SYNE2: variants seen among roughly 807,000 people sequenced by gnomAD.
The protein encoded by SYNE2 is nesprin-2.
SYNE2 carries 431 observed loss-of-function variants against 856.3 expected under a neutral mutation model. The ratio of observed to expected loss-of-function variants is 0.50; its 90% CI spans 0.47 to 0.55. SYNE2 has a LOEUF of 0.55. Ranked by LOEUF, SYNE2 falls within the 20% of genes least tolerant of loss-of-function variation. The pLI is 0.00. For missense variants in SYNE2, 8,129 were observed against 8,023.2 expected (o/e 1.01, Z -0.50); for synonymous variants, 2,923 against 2,872.3 (o/e 1.02, Z -0.56).
At chr14:64,100,458 G>A (rs1417954098) in intron 63 of SYNE2, 4 of 142,652 alleles carry the variant, frequency 2.8e-5, no homozygotes, top group African/African-American at 1.0e-4. Flanking sequence ...AGAGGTTGCA[G>A]TGAGCCGAGA....
chr14:64,021,762 A>T, intron 36 of SYNE2, 95 bp from the exon 37 acceptor site: 2 of 1,364,910 alleles, frequency 1.5e-6, no homozygotes, highest in Non-Finnish European at 2.1e-6. Context: ...ACAGAGAGTC[A>T]TTGAGATTTT....
At chr14:64,224,951 G>C (rs370655961) in intron 114 of SYNE2, 48 bp from the exon 115 acceptor site, 1 of 1,572,774 alleles carries the variant, frequency 6.4e-7, no homozygotes, top group Non-Finnish European at 8.7e-7. Flanking sequence ...ATCATTGATA[G>C]GACTAAACTG....
In SYNE2 at chr14:64,141,386, G is replaced by A. The variant is rs1052186846; in HGVS notation, c.15022G>A (p.Val5008Ile). 1.2e-5 allele frequency: 19 copies of A among 1,613,872 alleles called. No homozygotes were observed. The highest frequency in any genetic ancestry group is 6.7e-5 in the Admixed American group (4 of 59,994). ...TGAAAAATCCTCCTTGAAGACTGCC[G>A]TTATCAGTATCGGGAACCAGCTTCT... Reference protein sequence around the residue: ...VDEKSSLKTAVISIGNQLLHL... With the variant: ...VDEKSSLKTAIISIGNQLLHL... The change falls in exon 81 of 116, where the codon GTT (valine) becomes ATT (isoleucine). Residue 5008 changes from valine (V) to isoleucine (I), a missense_variant. Transcript: ENST00000555002.
At chr14:64,026,202 A>G (rs1226678544) in intron 41 of SYNE2, among the ~76,000 whole-genome samples, 1 of 152,174 alleles carries the variant, frequency 6.6e-6, no homozygotes, top group Non-Finnish European at 1.5e-5. Flanking sequence ...GGGACACTGT[A>G]TTTTCCTATG....
intron 8 of SYNE2, chr14:63,960,937 A>G (rs1050443014): frequency 3.6e-6 from 2 of 549,914 alleles, no homozygotes; most frequent in East Asian, 2.9e-5. Context: ...TGTTTAATTC[A>G]GCATTTTACA....
chr14:64,108,366 G>GTATA (rs58876371), intron 65 of SYNE2, among the ~76,000 whole-genome samples: 75 of 150,238 alleles, frequency 5.0e-4, no homozygotes, highest in Admixed American at 2.0e-3. Context: ...TTAAAAAAAT[G>GTATA]TATATATATA....
intron 114 of SYNE2, 100 bp from the exon 115 acceptor site, chr14:64,224,899 T>TA: frequency 8.8e-7 from 1 of 1,134,632 alleles, no homozygotes; most frequent in Non-Finnish European, 1.3e-6. Context: ...TAACACAACA[T>TA]AAAGGTGGTA....
intron 11 of SYNE2, among the ~76,000 whole-genome samples, chr14:63,975,504 T>C (rs1231058978): frequency 6.6e-6 from 1 of 152,042 alleles, no homozygotes; most frequent in Admixed American, 6.5e-5. Context: ...GGCTAATTTT[T>C]GTATTTTTAG....
chr14:64,007,084 A>G lies in SYNE2; in HGVS notation c.4439A>G (p.Tyr1480Cys). ...AGACTGGATAAGGTTCTAGATGAAT[A>G]TGAAGAAGAGAAGAGACATTTACAA... is the stretch of plus-strand genomic sequence containing the variant. The part of the protein sequence containing the change: ...LIRLDKVLDE[Y>C]EEEKRHLQEM... The change falls in exon 31 of 116, where the codon TAT becomes TGT. Residue 1480 changes from tyrosine (Y) to cysteine (C), a missense_variant. Tyr to Cys is a radical substitution (Grantham distance 194). Coordinates refer to ENST00000555002, the MANE Select transcript of SYNE2 (RefSeq NM_182914.3). The G allele has an allele frequency of 1.2e-6, 2 of 1,613,938 alleles. No individual in the cohort carries two copies. The highest frequency in any genetic ancestry group is 1.1e-5 in the South Asian group (1 of 91,070).
intron 57 of SYNE2, among the ~76,000 whole-genome samples, chr14:64,083,211 A>AT (rs1029357147): frequency 2.1e-4 from 31 of 148,664 alleles, no homozygotes; most frequent in African/African-American, 2.7e-4. Flanking sequence ...ATTTCTACCC[A>AT]TTTTTTTTTC....
At chr14:63,940,294 G>A (rs961894418) in intron 2 of SYNE2, among the ~76,000 whole-genome samples, 9 of 152,110 alleles carry the variant, frequency 5.9e-5, no homozygotes, top group East Asian at 3.9e-4. Context: ...GAGCTCACAC[G>A]ATCTGCTTAC....
In SYNE2 at chr14:64,059,870, G is replaced by A. The variant is rs189506444; in HGVS notation, c.10068-2881G>A. 6.1e-3 allele frequency among the ~76,000 whole-genome samples: 928 copies of A among 152,334 alleles called. 2 individuals are homozygous for A. The highest frequency in any genetic ancestry group is 9.1e-3 in the Non-Finnish European group (620 of 68,028). On this transcript the variant is annotated intron_variant, in intron 49 of 115. Coordinates refer to ENST00000555002, the MANE Select transcript of SYNE2 (RefSeq NM_182914.3). ...TGGTGCTGTGTGCTACTGTGGCTGA[G>A]CTGGCACCCAAACCACAAGACAGAG...
intron 1 of SYNE2, among the ~76,000 whole-genome samples, chr14:63,821,336 A>C (rs1595144592): frequency 6.6e-6 from 1 of 152,206 alleles, no homozygotes; most frequent in South Asian, 2.1e-4. Context: ...TCTACAATTT[A>C]AAATTTGGTA....
chr14:63,928,095 C>T (rs1215198698), intron 2 of SYNE2, among the ~76,000 whole-genome samples: 2 of 150,240 alleles, frequency 1.3e-5, no homozygotes, highest in African/African-American at 4.9e-5. Context: ...GCTGGGGGGC[C>T]AAGATGTATA....
Position 63,982,697 on chromosome 14 carries a change from T to G in SYNE2, c.1904T>G (p.Leu635Ter). 1 of 1,614,090 alleles carries G rather than the reference T, an allele frequency of 6.2e-7. No homozygotes were observed. Among genetic ancestry groups the G allele is most frequent in the Non-Finnish European group, 8.5e-7 (1 of 1,179,982 alleles). Residue 635 changes from leucine (L) to a stop codon, truncating the protein, a stop_gained, in exon 17 of 116, where the codon TTA becomes TGA. Coordinates refer to ENST00000555002, the MANE Select transcript of SYNE2 (RefSeq NM_182914.3). LOFTEE classifies it high-confidence loss of function. ...ACTTTAAATGAAGCAGGAAATTTCT[T>G]AGTCGAAGTCAGCAATGATGTGGTT... Reference protein sequence around the residue: ...HATLNEAGNFLVEVSNDVVGS... With the variant: ...HATLNEAGNF
intron 1 of SYNE2, among the ~76,000 whole-genome samples, chr14:63,835,566 CGT>C (rs10557777): frequency 0.48 from 71,162 of 149,224 alleles, 18,558 homozygotes; most frequent in Non-Finnish European, 0.58. Flanking sequence ...TAGATATTTG[CGT>C]GTGTGTGTGT....
In SYNE2 at chr14:64,119,459, C is replaced by T. The variant is rs370681732; in HGVS notation, c.12873C>T (p.Ala4291=). ...AMLTEIEHKV[A]FLLETCKDQG... ...TAACAGAGATTGAGCACAAGGTTGCCTTTCTGTTAGAGACTTGCAAAGATC... is the reference window on the plus strand; with the variant it reads ...TAACAGAGATTGAGCACAAGGTTGCTTTTCTGTTAGAGACTTGCAAAGATC... The change falls in exon 67 of 116, where the codon GCC becomes GCT. Residue 4291 remains alanine (A), a synonymous_variant. Coordinates refer to ENST00000555002, the MANE Select transcript of SYNE2 (RefSeq NM_182914.3). 4.3e-6 allele frequency: 7 copies of T among 1,614,062 alleles called. No individual in the cohort carries two copies. The highest frequency in any genetic ancestry group is 5.9e-6 in the Non-Finnish European group (7 of 1,180,034).
chr14:64,225,400 G>GGC lies in SYNE2; in HGVS notation c.20598_20599insGC (p.Leu6867AlafsTer33). 1 of 1,613,542 alleles carries GGC rather than the reference G, an allele frequency of 6.2e-7. No homozygotes were observed. The highest frequency in any genetic ancestry group is 8.5e-7 in the Non-Finnish European group (1 of 1,179,716). On this transcript the variant is annotated frameshift_variant, in exon 116 of 116. Coordinates refer to ENST00000555002, the MANE Select transcript of SYNE2 (RefSeq NM_182914.3). LOFTEE classifies it high-confidence loss of function. ...CCCTACCCCTGCAGCTGCTCCTCCT[G>GGC]CTGCTGCTGCTCCTGGCCTGCCTGC... is the stretch of plus-strand genomic sequence containing the variant.
chr14:64,223,481 G>A (rs1161727736), intron 113 of SYNE2, 101 bp downstream of exon 113: 4 of 1,402,830 alleles, frequency 2.9e-6, no homozygotes, highest in Non-Finnish European at 4.0e-6. Flanking sequence ...CAGAAGCAAG[G>A]GCCAGGTGGT....
Sources: allele counts gnomAD v4.1 joint callset (sites outside exome capture counted in the v4.1 genomes callset), GRCh38; gene constraint gnomAD v4.1.1; transcripts MANE v1.5; gene names NCBI Gene and HGNC (gene_info 2026-07-23, HGNC 2026-07-21).